Variants in PHACTR3 observed in about 807,000 individuals in gnomAD.
PHACTR3 encodes protein phosphatase 1, regulatory subunit 123.
In PHACTR3, 16 loss-of-function variants were observed where a neutral mutation model predicts 66.8. The ratio of observed to expected loss-of-function variants is 0.24; its 90% CI spans 0.16 to 0.36. The LOEUF (loss-of-function observed/expected upper bound fraction) is 0.36, where lower values mean the gene tolerates loss of function less well. Ranked by LOEUF, PHACTR3 falls within the 10% of genes least tolerant of loss-of-function variation. PHACTR3 has a pLI of 1.00. For synonymous variants in PHACTR3, 323 were observed against 292.1 expected, an observed-to-expected ratio of 1.11 and a Z score of -1.08; for missense variants, 647 against 719.9, an observed-to-expected ratio of 0.90 and a Z score of 1.16.
In PHACTR3 at chr20:59,809,557, T is replaced by C. The variant is rs530451965; in HGVS notation, c.1328+3363T>C. 3.3e-5 allele frequency among the ~76,000 whole-genome samples: 5 copies of C among 152,376 alleles called. No homozygotes were observed. In the South Asian group the frequency reaches 6.2e-4, roughly 19 times the overall value. On this transcript the variant is annotated intron_variant, in intron 8 of 12. Coordinates refer to ENST00000371015, the MANE Select transcript of PHACTR3 (RefSeq NM_080672.5). ...AGTTTACTTTTGAAGATGTAGCTTCTAATCCTTCCCCATTTTGAGTTACAT... is the reference window on the plus strand; with the variant it reads ...AGTTTACTTTTGAAGATGTAGCTTCCAATCCTTCCCCATTTTGAGTTACAT...
At chr20:59,713,612 G>T (rs2037982542) in intron 1 of PHACTR3, among the ~76,000 whole-genome samples, 1 of 152,158 alleles carries the variant, frequency 6.6e-6, no homozygotes, top group Non-Finnish European at 1.5e-5. Flanking sequence ...TTTCTTTGCT[G>T]TATAGTATTC....
intron 4 of PHACTR3, among the ~76,000 whole-genome samples, chr20:59,757,317 C>T (rs1217476809): frequency 6.6e-6 from 1 of 152,250 alleles, no homozygotes; most frequent in South Asian, 2.1e-4. Flanking sequence ...CGCTCCCGCT[C>T]TCTCTCCAGA....
chr20:59,740,749 C>A (rs1601235556), intron 1 of PHACTR3, among the ~76,000 whole-genome samples: 1 of 152,238 alleles, frequency 6.6e-6, no homozygotes, highest in African/African-American at 2.4e-5. Context: ...GAGACAGGTG[C>A]AGCCCTTTGG....
Position 59,774,360 on chromosome 20 carries a change from A to T in PHACTR3, c.1044A>T (p.Ala348=), listed in dbSNP as rs371877780. 2.0e-5 allele frequency: 33 copies of T among 1,614,000 alleles called. No homozygotes were observed. Among genetic ancestry groups the T allele is most frequent in the Non-Finnish European group, 2.8e-5 (33 of 1,180,008 alleles). ...AGGAGGCTTGGAGCTTTGACGGGGCATTGGAGAACAAGCGAACTGCCGCTA... is the reference window on the plus strand; with the variant it reads ...AGGAGGCTTGGAGCTTTGACGGGGCTTTGGAGAACAAGCGAACTGCCGCTA... The part of the protein sequence containing the change: ...EREEAWSFDG[A]LENKRTAAKE... The change falls in exon 7 of 13, where the codon GCA becomes GCT. Residue 348 remains alanine (A), a synonymous_variant. Coordinates refer to ENST00000371015, the MANE Select transcript of PHACTR3 (RefSeq NM_080672.5).
chr20:59,779,498 A>T (rs1310900592), intron 7 of PHACTR3, among the ~76,000 whole-genome samples: 1 of 152,170 alleles, frequency 6.6e-6, no homozygotes, highest in Admixed American at 6.5e-5. Flanking sequence ...GTCTCGCCTG[A>T]TACATTGTTT....
chr20:59,702,033 C>T (rs191346418), intron 1 of PHACTR3, among the ~76,000 whole-genome samples: 281 of 152,304 alleles, frequency 1.8e-3, no homozygotes, highest in African/African-American at 6.2e-3. Flanking sequence ...TTTCCTGTCT[C>T]GATAGCTCAT....
chr20:59,630,029 G>T (rs1169233939), intron 1 of PHACTR3, among the ~76,000 whole-genome samples: 7 of 152,122 alleles, frequency 4.6e-5, no homozygotes, highest in Non-Finnish European at 1.0e-4. Flanking sequence ...CCAGCCCACG[G>T]GCAAGTGTGT....
chr20:59,789,100 A>C (rs1182517), intron 7 of PHACTR3, among the ~76,000 whole-genome samples: 148,427 of 152,244 alleles, frequency 0.97, 72,383 homozygotes, highest in East Asian at 1. Flanking sequence ...CATTGAACAG[A>C]AACAGTACAT....
At chr20:59,601,130 G>A (rs1262713750), upstream of PHACTR3, among the ~76,000 whole-genome samples, 1 of 152,146 alleles carries the variant, frequency 6.6e-6, no homozygotes, top group Non-Finnish European at 1.5e-5. Context: ...TTAGCAGTCA[G>A]CCCCTCTCTT....
At chr20:59,694,795 CA>C (rs2037235445) in intron 1 of PHACTR3, among the ~76,000 whole-genome samples, 1 of 152,076 alleles carries the variant, frequency 6.6e-6, no homozygotes, top group Admixed American at 6.6e-5. Context: ...GGATCCTCAG[CA>C]TGGAAGACAC....
intron 1 of PHACTR3, among the ~76,000 whole-genome samples, chr20:59,676,026 T>C (rs377232550): frequency 6.6e-6 from 1 of 152,234 alleles, no homozygotes; most frequent in East Asian, 1.9e-4. Context: ...ATCAGACTCC[T>C]TCTTGCCTCC....
Position 59,604,707 on chromosome 20 carries a change from CT to C in PHACTR3, c.-296del, listed in dbSNP as rs113004800. The C allele has an allele frequency of 0.096, 62,185 of 648,398 alleles. 2,196 individuals are homozygous for C. Among genetic ancestry groups the C allele is most frequent in the East Asian group, 0.34 (3,660 of 10,860 alleles). The allele number at this position is 648,398 out of a possible 1,614,324, so 40.2% of individuals were successfully genotyped here. ...AAAAAGTTTTTATTTCCTGGTTCAA[CT>C]TTTTTTTTTTTCCCTGGAATATAGA... On this transcript the variant is annotated 5_prime_UTR_variant, in exon 1 of 13. Coordinates refer to ENST00000371015, the MANE Select transcript of PHACTR3 (RefSeq NM_080672.5).
At chr20:59,598,390 A>T (rs1197817719) in intron 1 of PHACTR3, among the ~76,000 whole-genome samples, 5 of 152,168 alleles carry the variant, frequency 3.3e-5, no homozygotes, top group East Asian at 1.9e-4. Flanking sequence ...TCACTTACAC[A>T]CGGAGGCTCA....
intron 1 of PHACTR3, among the ~76,000 whole-genome samples, chr20:59,627,537 A>C (rs532076520): frequency 6.6e-6 from 1 of 152,284 alleles, no homozygotes; most frequent in African/African-American, 2.4e-5. Context: ...TGGGCAAATC[A>C]ATGCTCTGTT....
intron 1 of PHACTR3, among the ~76,000 whole-genome samples, chr20:59,656,322 CTTATA>C (rs888151130): frequency 1.3e-5 from 2 of 151,760 alleles, no homozygotes; most frequent in Admixed American, 6.6e-5. Flanking sequence ...TTTTGGGGGT[CTTATA>C]TTAGGTACAT....
In PHACTR3 at chr20:59,773,332, C is replaced by T. The variant is rs148776043; in HGVS notation, c.805C>T (p.Arg269Trp). The change falls in exon 6 of 13, where the codon CGG (arginine) becomes TGG (tryptophan). Residue 269 changes from arginine to tryptophan, a missense_variant. Around this residue, in one of 2 missense-constraint regions of PHACTR3, gnomAD observed 577 missense variants for 571.1 expected, o/e 1.01. Transcript: ENST00000371015. Reference protein sequence around the residue: ...SSMKSADPSLRGQLSTPTGSP... With the variant: ...SSMKSADPSLWGQLSTPTGSP... Reference sequence around the variant, plus strand: ...CATGAAGAGTGCCGACCCTTCCCTCCGGGGCCAGCTCTCCACACCCACGGG... The same window carrying T: ...CATGAAGAGTGCCGACCCTTCCCTCTGGGGCCAGCTCTCCACACCCACGGG... 2,651 of 1,614,202 alleles carry T rather than the reference C, an allele frequency of 1.6e-3. 3 individuals carry two copies. Among genetic ancestry groups the T allele is most frequent in the Non-Finnish European group, 2.1e-3 (2,489 of 1,180,028 alleles).
intron 1 of PHACTR3, chr20:59,676,769 G>T (rs1011650618): frequency 1.4e-5 from 14 of 980,036 alleles, no homozygotes; most frequent in Admixed American, 6.2e-5. Context: ...CATAAGGTGA[G>T]TTGCTTTGCC....
At chr20:59,678,629 G>A (rs1229123172) in intron 1 of PHACTR3, among the ~76,000 whole-genome samples, 1 of 152,194 alleles carries the variant, frequency 6.6e-6, no homozygotes, top group African/African-American at 2.4e-5. Context: ...TCTACTTGCA[G>A]AGCTTACCGT....
rs546990784 is a variant in PHACTR3 at position 59,748,751 on chromosome 20, T to A, written c.358+916T>A. On this transcript the variant is annotated intron_variant, in intron 3 of 12. Coordinates refer to ENST00000371015, the MANE Select transcript of PHACTR3 (RefSeq NM_080672.5). ...AGCTCTGGCCTGCTGATTTGAGGAA[T>A]CTGGCCATGCATAGCCAGTTTCCTG... is the stretch of plus-strand genomic sequence containing the variant. Among the ~76,000 whole-genome samples, 527 of 151,848 alleles carry A rather than the reference T, an allele frequency of 3.5e-3. 2 individuals carry two copies. Among genetic ancestry groups the A allele is most frequent in the Non-Finnish European group, 5.3e-3 (363 of 68,012 alleles).
Sources: allele counts gnomAD v4.1 joint callset (sites outside exome capture counted in the v4.1 genomes callset), GRCh38; gene constraint gnomAD v4.1.1; regional missense constraint gnomAD v4.1.1; transcripts MANE v1.5; gene names NCBI Gene and HGNC (gene_info 2026-07-23, HGNC 2026-07-21).